SUGCT: variants seen among roughly 807,000 people sequenced by gnomAD.
The protein encoded by SUGCT is succinyl-CoA:glutarate-CoA transferase.
In SUGCT, 41 loss-of-function variants were observed where a neutral mutation model predicts 55.0. The observed-to-expected ratio is 0.74, with a 90% CI of 0.58 to 0.97. The LOEUF (loss-of-function observed/expected upper bound fraction) is 0.97, where lower values mean the gene tolerates loss of function less well. Ranked by LOEUF, SUGCT falls within the 50% of genes least tolerant of loss-of-function variation. SUGCT has a pLI of 0.00. For missense variants in SUGCT, 568 were observed against 547.8 expected (o/e 1.04, Z -0.37); for synonymous variants, 187 against 200.4 (o/e 0.93, Z 0.56).
At chr7:41,004,044 A>G in the SUGCT span, among the ~76,000 whole-genome samples, 3 of 152,154 alleles carry the variant, frequency 2.0e-5, no homozygotes, top group Non-Finnish European at 4.4e-5. Context: ...CCCCATCCCT[A>G]GGCATCTTTC....
intron 12 of SUGCT, among the ~76,000 whole-genome samples, chr7:40,740,272 A>G (rs1273984882): frequency 6.6e-6 from 1 of 152,092 alleles, no homozygotes; most frequent in African/African-American, 2.4e-5. Context: ...AAGACCTTGA[A>G]GAAGTCATTT....
chr7:41,001,185 G>C, the SUGCT span, among the ~76,000 whole-genome samples: 1 of 152,108 alleles, frequency 6.6e-6, no homozygotes, highest in Non-Finnish European at 1.5e-5. Context: ...GCTGATAGAG[G>C]AGAAGAGCGT....
intron 11 of SUGCT, among the ~76,000 whole-genome samples, chr7:40,460,082 T>TCAA (rs1789709643): frequency 6.6e-6 from 1 of 152,220 alleles, no homozygotes; most frequent in Non-Finnish European, 1.5e-5. Flanking sequence ...TGTTTCTATG[T>TCAA]AGTATACATC....
the SUGCT span, among the ~76,000 whole-genome samples, chr7:40,894,587 C>T: frequency 3.9e-5 from 6 of 152,068 alleles, no homozygotes; most frequent in African/African-American, 1.4e-4. Context: ...GGTCTTATAT[C>T]CAGAATCTAT....
Position 40,819,038 on chromosome 7 carries a change from C to T in SUGCT, c.1154-41278C>T, listed in dbSNP as rs913675144. 5.3e-5 allele frequency among the ~76,000 whole-genome samples: 8 copies of T among 151,344 alleles called. 1 individual carries two copies. In the South Asian group the frequency reaches 6.3e-4, roughly 12 times the overall value. ...GTTTTCTGTCCTTGCAATAGTTTGC[C>T]GAGAATGATGGTTTCCAGCTTCGTC... is the stretch of plus-strand genomic sequence containing the variant. On this transcript the variant is annotated intron_variant, in intron 13 of 13. Coordinates refer to ENST00000335693, the MANE Select transcript of SUGCT (RefSeq NM_001193313.2).
chr7:40,995,575 C>T, the SUGCT span, among the ~76,000 whole-genome samples: 1 of 152,038 alleles, frequency 6.6e-6, no homozygotes, highest in Non-Finnish European at 1.5e-5. Context: ...TTGAATACTT[C>T]CCTCACTTAA....
intron 13 of SUGCT, among the ~76,000 whole-genome samples, chr7:40,857,432 G>C (rs1005041366): frequency 6.6e-6 from 1 of 152,188 alleles, no homozygotes; most frequent in African/African-American, 2.4e-5. Context: ...ATCCTAGCAA[G>C]TGTGAAAAAG....
At chr7:40,387,108 A>T (rs1044224244) in intron 9 of SUGCT, among the ~76,000 whole-genome samples, 1 of 152,206 alleles carries the variant, frequency 6.6e-6, no homozygotes, top group South Asian at 2.1e-4. Flanking sequence ...CTCTCTTCTC[A>T]GGAGGTAGGA....
Position 40,459,200 on chromosome 7 carries a change from T to G in SUGCT, c.986+2T>G, listed in dbSNP as rs1363657120. 1.9e-6 allele frequency: 3 copies of G among 1,556,336 alleles called. No individual in the cohort carries two copies. Among genetic ancestry groups the G allele is most frequent in the Non-Finnish European group, 2.7e-6 (3 of 1,130,420 alleles). On this transcript the variant is annotated splice_donor_variant, in intron 11 of 13. Coordinates refer to ENST00000335693, the MANE Select transcript of SUGCT (RefSeq NM_001193313.2). LOFTEE classifies it high-confidence loss of function. ...GCTTATTAAAATATTATCTGAACGG[T>G]AAGTTTGGATGTTGTATTCATCCAT...
chr7:40,465,669 G>A (rs1421139774), intron 11 of SUGCT, among the ~76,000 whole-genome samples: 1 of 151,978 alleles, frequency 6.6e-6, no homozygotes, highest in Non-Finnish European at 1.5e-5. Context: ...TTTAAAATTT[G>A]ATATCAAATT....
intron 12 of SUGCT, among the ~76,000 whole-genome samples, chr7:40,520,458 G>A (rs745798652): frequency 1.3e-4 from 20 of 151,940 alleles, no homozygotes; most frequent in Non-Finnish European, 2.6e-4. Flanking sequence ...ATCTCCCAAG[G>A]TTATCTTAAC....
chr7:40,313,349 A>G (rs1310760160), intron 8 of SUGCT, among the ~76,000 whole-genome samples: 1 of 152,192 alleles, frequency 6.6e-6, no homozygotes, highest in African/African-American at 2.4e-5. Flanking sequence ...CACATCCTGC[A>G]TTCTTTTAAT....
chr7:40,179,563 G>A (rs1369326021), intron 1 of SUGCT, among the ~76,000 whole-genome samples: 1 of 152,172 alleles, frequency 6.6e-6, no homozygotes, highest in African/African-American at 2.4e-5. Flanking sequence ...GATTACAGGC[G>A]TGAGCCACCA....
the SUGCT span, among the ~76,000 whole-genome samples, chr7:40,956,358 G>T: frequency 2.0e-5 from 3 of 152,088 alleles, no homozygotes; most frequent in Admixed American, 6.5e-5. Flanking sequence ...AGTCTTGGAA[G>T]GGTTTATGTG....
At position 40,364,677 on chromosome 7, in the gene SUGCT, T is replaced by C. The variant is rs369943349; in HGVS notation, c.816+47822T>C. Among the ~76,000 whole-genome samples, 235 of 152,304 alleles carry C rather than the reference T, an allele frequency of 1.5e-3. 1 individual carries two copies. The highest frequency in any genetic ancestry group is 2.7e-3 in the Non-Finnish European group (185 of 68,020). On this transcript the variant is annotated intron_variant, in intron 9 of 13. Transcript: ENST00000335693. Reference sequence around the variant, plus strand: ...TTCTGGCTTGTAGAGTTTCTGCCAGTAGATCCGCTGTTAGTCTGATGGGCT... The same window carrying C: ...TTCTGGCTTGTAGAGTTTCTGCCAGCAGATCCGCTGTTAGTCTGATGGGCT...
intron 11 of SUGCT, among the ~76,000 whole-genome samples, chr7:40,462,784 G>C (rs1398600647): frequency 6.6e-6 from 1 of 152,114 alleles, no homozygotes; most frequent in Non-Finnish European, 1.5e-5. Context: ...AACCATTGCA[G>C]ACTTTCTAGA....
chr7:40,851,309 C>A (rs573888420), intron 13 of SUGCT, among the ~76,000 whole-genome samples: 69 of 146,764 alleles, frequency 4.7e-4, no homozygotes, highest in African/African-American at 1.5e-3. Context: ...GCATTAAATG[C>A]ATTTGTAAAT....
At chr7:40,822,490 G>C (rs957289976) in intron 13 of SUGCT, among the ~76,000 whole-genome samples, 1 of 152,246 alleles carries the variant, frequency 6.6e-6, no homozygotes, top group Middle Eastern at 3.4e-3. Context: ...AGCTCTTCTT[G>C]TTGAGTTGAT....
chr7:40,377,413 T>C (rs1784659765), intron 9 of SUGCT, among the ~76,000 whole-genome samples: 1 of 150,900 alleles, frequency 6.6e-6, no homozygotes, highest in African/African-American at 2.4e-5. Context: ...CAGCTAATTT[T>C]TGTATTTTTA....
Sources: gnomAD v4.1 joint callset for allele counts (sites outside exome capture counted in the v4.1 genomes callset) on GRCh38, gnomAD v4.1.1 for gene constraint, MANE v1.5 for transcripts, NCBI Gene and HGNC (gene_info 2026-07-23, HGNC 2026-07-21) for gene names.